The following POU2F3 variants were observed in gnomAD, a reference collection of about 807,000 sequenced individuals.
The protein encoded by POU2F3 is POU domain, class 2, transcription factor 3.
In POU2F3, 23 loss-of-function variants were observed where a neutral mutation model predicts 59.2. The observed-to-expected ratio is 0.39, with a 90% CI of 0.28 to 0.55. POU2F3 has a LOEUF of 0.55. Ranked by LOEUF, POU2F3 falls within the 20% of genes least tolerant of loss-of-function variation. The probability of loss-of-function intolerance (pLI) is 0.66; values close to 1 mark genes in which losing one functional copy is unlikely to be tolerated. For missense variants in POU2F3, 473 were observed against 544.5 expected (o/e 0.87, Z 1.31); for synonymous variants, 190 against 214.6 (o/e 0.89, Z 1.00).
chr11:120,307,082 C>T (rs1941514193), intron 8 of POU2F3, among the ~76,000 whole-genome samples: 1 of 152,256 alleles, frequency 6.6e-6, no homozygotes, highest in Non-Finnish European at 1.5e-5. Context: ...TATTCACATC[C>T]AGGCATATCT....
intron 11 of POU2F3, among the ~76,000 whole-genome samples, chr11:120,316,713 A>T (rs148189915): frequency 0.019 from 2,823 of 152,340 alleles, 45 homozygotes; most frequent in Non-Finnish European, 0.023. Flanking sequence ...GGCATGAGCC[A>T]CCATGCCCAG....
At chr11:120,274,108 AAAGG>A (rs58202053) in intron 3 of POU2F3, among the ~76,000 whole-genome samples, 4,922 of 116,142 alleles carry the variant, frequency 0.042, 155 homozygotes, top group South Asian at 0.15. Flanking sequence ...AGGAAGGAAG[AAAGG>A]AAGGAAGGAA....
chr11:120,283,891 T>C (rs993288341), intron 3 of POU2F3, among the ~76,000 whole-genome samples: 78 of 151,922 alleles, frequency 5.1e-4, no homozygotes, highest in African/African-American at 1.8e-3. Flanking sequence ...GAACAGTGCC[T>C]GTGCGGTTCA....
intron 3 of POU2F3, among the ~76,000 whole-genome samples, chr11:120,291,287 G>A (rs1026057513): frequency 6.6e-6 from 1 of 152,228 alleles, no homozygotes; most frequent in African/African-American, 2.4e-5. Context: ...AGAGACACGT[G>A]GCAGTGCAGT....
At chr11:120,240,692 G>C (rs973947926) in intron 1 of POU2F3, among the ~76,000 whole-genome samples, 2 of 152,192 alleles carry the variant, frequency 1.3e-5, no homozygotes. Context: ...AGGTTGCAGG[G>C]ATGGGTGGTT....
At chr11:120,305,514 G>C (rs1174288692) in intron 7 of POU2F3, 130 bp from the exon 8 acceptor site, 1 of 1,361,614 alleles carries the variant, frequency 7.3e-7, no homozygotes, top group Non-Finnish European at 1.0e-6. Flanking sequence ...ACTTGGAAAG[G>C]AGCCGAGCAT....
In POU2F3 at chr11:120,305,625, C is replaced by T; in HGVS notation, c.628-19C>T. 2 of 1,612,548 alleles carry T rather than the reference C, an allele frequency of 1.2e-6. No individual in the cohort carries two copies. Among genetic ancestry groups the T allele is most frequent in the Non-Finnish European group, 1.7e-6 (2 of 1,179,428 alleles). On this transcript the variant is annotated intron_variant, in intron 7 of 12. Coordinates refer to ENST00000543440, the MANE Select transcript of POU2F3 (RefSeq NM_014352.4). ...GGAGGCTGCCTCTCATGTTCCTCCCCCTCGGTCCCCACGCTTAGGGAGATG... is the reference window on the plus strand; with the variant it reads ...GGAGGCTGCCTCTCATGTTCCTCCCTCTCGGTCCCCACGCTTAGGGAGATG...
intron 2 of POU2F3, among the ~76,000 whole-genome samples, chr11:120,264,552 ACACAAGATCAGACTC>A (rs1939747290): frequency 6.6e-6 from 1 of 152,206 alleles, no homozygotes; most frequent in African/African-American, 2.4e-5. Flanking sequence ...AAAGTCCCCA[ACACAAGATCAGACTC>A]CACCTTTTGG....
At chr11:120,272,470 G>A (rs1940119051) in intron 3 of POU2F3, among the ~76,000 whole-genome samples, 1 of 152,184 alleles carries the variant, frequency 6.6e-6, no homozygotes, top group Non-Finnish European at 1.5e-5. Context: ...GTAGGGAGGG[G>A]AAGAAAGAAT....
At chr11:120,296,309 A>G (rs1272745559) in intron 3 of POU2F3, among the ~76,000 whole-genome samples, 2 of 152,212 alleles carry the variant, frequency 1.3e-5, no homozygotes, top group African/African-American at 4.8e-5. Flanking sequence ...ACTATGTGAA[A>G]GGCACCATAT....
chr11:120,307,247 G>C (rs1941519998), intron 8 of POU2F3, among the ~76,000 whole-genome samples: 1 of 152,330 alleles, frequency 6.6e-6, no homozygotes. Flanking sequence ...GGGTCACGGA[G>C]GGCCACAGAA....
At chr11:120,252,206 C>CTTT (rs1157582096) in intron 2 of POU2F3, among the ~76,000 whole-genome samples, 4 of 124,810 alleles carry the variant, frequency 3.2e-5, no homozygotes, top group Admixed American at 8.1e-5. Flanking sequence ...TTCTGCTTTT[C>CTTT]TTTTTTTTTT....
rs138604978 is a variant in POU2F3, at chr11:120,253,137, C to T, written c.97+6620C>T. On this transcript the variant is annotated intron_variant, in intron 2 of 12. Coordinates refer to ENST00000543440, the MANE Select transcript of POU2F3 (RefSeq NM_014352.4). ...AGCCTGTCACAGACATGCACCCAGA[C>T]CTACTGTGCCCGACAGCCTGCAGCT... Among the ~76,000 whole-genome samples the T allele has an allele frequency of 7.3e-3, 1,109 of 152,306 alleles. 10 individuals are homozygous for T. The highest frequency in any genetic ancestry group is 0.022 in the African/African-American group (899 of 41,556).
At chr11:120,310,516 C>T (rs755383631) in intron 10 of POU2F3, among the ~76,000 whole-genome samples, 1 of 152,040 alleles carries the variant, frequency 6.6e-6, no homozygotes, top group Non-Finnish European at 1.5e-5. Context: ...GGGCTGGGAA[C>T]AATTTGAAGT....
rs745648850 is a variant in POU2F3 at position 120,317,232 on chromosome 11, C to T, written c.1139C>T (p.Thr380Met). 32 of 1,614,020 alleles carry T rather than the reference C, an allele frequency of 2.0e-5. No individual in the cohort carries two copies. The highest frequency in any genetic ancestry group is 7.7e-5 in the South Asian group (7 of 91,082). ...PVHSTMPGTV[T>M]SSCSPGNNSR... ...TTTTGCCTCTCCTTATCCTCAGTAACGTCATCCTGTTCCCCTGGGAACAAC... is the reference window on the plus strand; with the variant it reads ...TTTTGCCTCTCCTTATCCTCAGTAATGTCATCCTGTTCCCCTGGGAACAAC... Residue 380 changes from threonine (T) to methionine (M), a missense_variant, in exon 12 of 13, where the codon ACG becomes ATG. Coordinates refer to ENST00000543440, the MANE Select transcript of POU2F3 (RefSeq NM_014352.4).
intron 3 of POU2F3, among the ~76,000 whole-genome samples, chr11:120,286,665 C>T (rs781692648): frequency 4.6e-5 from 7 of 152,244 alleles, no homozygotes; most frequent in East Asian, 1.9e-4. Context: ...TCAACTTATA[C>T]GCTCTTTGAG....
At chr11:120,258,420 A>G (rs114513135) in intron 2 of POU2F3, among the ~76,000 whole-genome samples, 2 of 152,106 alleles carry the variant, frequency 1.3e-5, no homozygotes, top group African/African-American at 4.8e-5. Flanking sequence ...TTTGTCCCTG[A>G]GTTGCCATTT....
chr11:120,257,134 A>G (rs1939375003), intron 2 of POU2F3: 1 of 152,198 alleles, frequency 6.6e-6, no homozygotes, highest in East Asian at 1.9e-4. Flanking sequence ...AATCCTTATT[A>G]TTTGAAAACA....
upstream of POU2F3, chr11:120,236,686 A>C (rs1938507396): frequency 1.3e-6 from 2 of 1,505,894 alleles, no homozygotes; most frequent in Admixed American, 3.9e-5. Flanking sequence ...GGAGTCTCCA[A>C]GAACTGCTAA....
Sources: allele counts gnomAD v4.1 joint callset (sites outside exome capture counted in the v4.1 genomes callset), GRCh38; gene constraint gnomAD v4.1.1; transcripts MANE v1.5; gene names NCBI Gene and HGNC (gene_info 2026-07-23, HGNC 2026-07-21).